GABRB2: variants seen among roughly 807,000 people sequenced by gnomAD.
GABRB2 encodes gamma-aminobutyric acid receptor subunit beta-2.
Under a neutral mutation model 54.7 loss-of-function variants are expected in GABRB2, and 16 were observed. The observed-to-expected ratio is 0.29, with a 90% CI of 0.20 to 0.44. GABRB2 has a LOEUF of 0.44. GABRB2 is among the 20% of genes least tolerant of loss of function. GABRB2 has a pLI of 1.00. For synonymous variants in GABRB2, 244 were observed against 233.8 expected, an observed-to-expected ratio of 1.04 and a Z score of -0.40; for missense variants, 355 against 644.0, an observed-to-expected ratio of 0.55 and a Z score of 4.86.
At chr5:161,296,556 G>A (rs530973753) in intron 9 of GABRB2, among the ~76,000 whole-genome samples, 55 of 152,194 alleles carry the variant, frequency 3.6e-4, no homozygotes, top group Admixed American at 1.2e-3. Context: ...AATTATTTTT[G>A]AGTAATTTAT....
In GABRB2 at chr5:161,517,077, A is replaced by C. The variant is rs371191992; in HGVS notation, c.237+28150T>G. On this transcript the variant is annotated intron_variant, in intron 3 of 9. Transcript: ENST00000393959. ...AGTTTTGATGGCTCAGGGATTTCCT[A>C]TGGTTTGAATATAAGAATTACCAAG... Among the ~76,000 whole-genome samples, 5 of 152,080 alleles carry C rather than the reference A, an allele frequency of 3.3e-5. No individual in the cohort carries two copies. The East Asian group carries it at 7.7e-4, about 23-fold the overall frequency.
rs943106729 is a variant in GABRB2, at chr5:161,545,214, T to C, written c.237+13A>G. ...AAGTTTGCAAAGAAGTAGTCATAAATGTCAATACTCACCATATTGACTTCA... is the reference window on the plus strand; with the variant it reads ...AAGTTTGCAAAGAAGTAGTCATAAACGTCAATACTCACCATATTGACTTCA... On this transcript the variant is annotated intron_variant, in intron 3 of 9. Transcript: ENST00000393959. 8 of 1,587,840 alleles carry C rather than the reference T, an allele frequency of 5.0e-6. No individual in the cohort carries two copies. The highest frequency in any genetic ancestry group is 6.0e-6 in the Non-Finnish European group (7 of 1,165,558).
intron 5 of GABRB2, among the ~76,000 whole-genome samples, chr5:161,340,289 G>A (rs888612554): frequency 2.6e-5 from 4 of 152,040 alleles, no homozygotes; most frequent in Non-Finnish European, 5.9e-5. Flanking sequence ...AATACCTCGT[G>A]TGAAGTAGGC....
intron 9 of GABRB2, among the ~76,000 whole-genome samples, chr5:161,301,099 G>T (rs549973035): frequency 6.6e-6 from 1 of 152,248 alleles, no homozygotes; most frequent in South Asian, 2.1e-4. Context: ...TTGGCCCGGA[G>T]TTACACAGTA....
intron 5 of GABRB2, among the ~76,000 whole-genome samples, chr5:161,389,161 T>G (rs1383849109): frequency 2.0e-5 from 3 of 152,010 alleles, no homozygotes; most frequent in Non-Finnish European, 1.5e-5. Context: ...AACTTTCTTA[T>G]AGCAACAGAG....
chr5:161,508,141 A>G (rs972414288), intron 3 of GABRB2, among the ~76,000 whole-genome samples: 3 of 151,876 alleles, frequency 2.0e-5, no homozygotes, highest in African/African-American at 7.2e-5. Context: ...CTACTCTGCT[A>G]TAGGTACTAT....
chr5:161,523,520 TACA>T (rs1760180129), intron 3 of GABRB2, among the ~76,000 whole-genome samples: 2 of 151,510 alleles, frequency 1.3e-5, no homozygotes, highest in African/African-American at 2.4e-5. Flanking sequence ...CATCTGAAAT[TACA>T]ACAATTTCAG....
chr5:161,517,088 A>G (rs1326201448), intron 3 of GABRB2, among the ~76,000 whole-genome samples: 1 of 152,190 alleles, frequency 6.6e-6, no homozygotes, highest in Non-Finnish European at 1.5e-5. Flanking sequence ...TGGTTTGAAT[A>G]TAAGAATTAC....
chr5:161,391,881 A>G (rs1301755421), intron 5 of GABRB2, among the ~76,000 whole-genome samples: 2 of 152,172 alleles, frequency 1.3e-5, no homozygotes, highest in African/African-American at 4.8e-5. Context: ...GACTGACTCT[A>G]AGAAGGGACT....
intron 4 of GABRB2, among the ~76,000 whole-genome samples, chr5:161,417,749 A>T (rs1756722078): frequency 6.6e-6 from 1 of 152,156 alleles, no homozygotes; most frequent in East Asian, 1.9e-4. Context: ...CCTCTCCCCA[A>T]GGAGTCCCAC....
chr5:161,477,242 T>TTG (rs1355055933), intron 3 of GABRB2, among the ~76,000 whole-genome samples: 2 of 149,292 alleles, frequency 1.3e-5, no homozygotes, highest in Non-Finnish European at 3.0e-5. Context: ...ATCTATCACT[T>TTG]TGTATATATT....
At chr5:161,495,232 A>G (rs754318026) in intron 3 of GABRB2, among the ~76,000 whole-genome samples, 5 of 151,960 alleles carry the variant, frequency 3.3e-5, no homozygotes, top group Non-Finnish European at 4.4e-5. Context: ...CTTTCCTTGA[A>G]TAAGTCCTAC....
chr5:161,479,381 G>A (rs1012577494), intron 3 of GABRB2, among the ~76,000 whole-genome samples: 1 of 151,962 alleles, frequency 6.6e-6, no homozygotes, highest in Non-Finnish European at 1.5e-5. Flanking sequence ...CATTTACACA[G>A]TACTTCTTAC....
At chr5:161,483,328 C>T (rs1474052468) in intron 3 of GABRB2, among the ~76,000 whole-genome samples, 1 of 151,990 alleles carries the variant, frequency 6.6e-6, no homozygotes, top group Non-Finnish European at 1.5e-5. Flanking sequence ...TCTATGTTTG[C>T]TTCTGCATAT....
At chr5:161,521,838 C>T (rs1420488415) in intron 3 of GABRB2, among the ~76,000 whole-genome samples, 2 of 151,942 alleles carry the variant, frequency 1.3e-5, no homozygotes, top group South Asian at 2.1e-4. Context: ...TCTGCCTCAA[C>T]AAAGCAGGTA....
At chr5:161,481,128 T>C (rs570568117) in intron 3 of GABRB2, among the ~76,000 whole-genome samples, 4 of 152,162 alleles carry the variant, frequency 2.6e-5, no homozygotes, top group Non-Finnish European at 4.4e-5. Context: ...CCAAGTGTGA[T>C]ACATGGGCCC....
At chr5:161,365,781 G>C (rs1279555201) in intron 5 of GABRB2, among the ~76,000 whole-genome samples, 1 of 152,118 alleles carries the variant, frequency 6.6e-6, no homozygotes, top group Non-Finnish European at 1.5e-5. Flanking sequence ...AGCTTCTCTA[G>C]CTGACTGCCT....
At chr5:161,323,719 G>T (rs1356419261) in intron 9 of GABRB2, among the ~76,000 whole-genome samples, 1 of 152,102 alleles carries the variant, frequency 6.6e-6, no homozygotes, top group Non-Finnish European at 1.5e-5. Context: ...TATCACAATT[G>T]GACCAAGTTA....
At chr5:161,328,684 ATAT>A (rs2113393668) in intron 8 of GABRB2, among the ~76,000 whole-genome samples, 1 of 152,304 alleles carries the variant, frequency 6.6e-6, no homozygotes, top group South Asian at 2.1e-4. Flanking sequence ...GACGACAAGG[ATAT>A]TATTTTTTCA....
Sources: allele counts gnomAD v4.1 joint callset (sites outside exome capture counted in the v4.1 genomes callset), GRCh38; gene constraint gnomAD v4.1.1; transcripts MANE v1.5; gene names NCBI Gene and HGNC (gene_info 2026-07-23, HGNC 2026-07-21).